The following KAZN variants were observed in gnomAD, a reference collection of about 807,000 sequenced individuals.
KAZN encodes kazrin.
Under a neutral mutation model 87.4 loss-of-function variants are expected in KAZN, and 40 were observed. The observed-to-expected ratio is 0.46, with a 90% CI of 0.36 to 0.60. KAZN has a LOEUF of 0.60. KAZN is among the 20% of genes least tolerant of loss of function. The probability of loss-of-function intolerance (pLI) is 0.00; values close to 1 mark genes in which losing one functional copy is unlikely to be tolerated. For missense variants in KAZN, 898 were observed against 1,073.9 expected (o/e 0.84, Z 2.29); for synonymous variants, 466 against 458.3 (o/e 1.02, Z -0.22).
intron 2 of KAZN, chr1:14,223,126 GTTGCA>G (rs1647145178): frequency 2.0e-5 from 3 of 152,312 alleles, no homozygotes; most frequent in Middle Eastern, 3.4e-3. Context: ...AGCCAGTGTG[GTTGCA>G]GCTGTTGGAT....
At chr1:14,636,688 C>T (rs977995040) in intron 1 of KAZN, among the ~76,000 whole-genome samples, 16 of 152,170 alleles carry the variant, frequency 1.1e-4, no homozygotes, top group African/African-American at 1.9e-4. Flanking sequence ...AAGTGAGAGA[C>T]GCTCGCTCCA....
chr1:14,637,209 G>T (rs1680058018), intron 1 of KAZN, among the ~76,000 whole-genome samples: 1 of 152,130 alleles, frequency 6.6e-6, no homozygotes, highest in African/African-American at 2.4e-5. Flanking sequence ...AGTGTAAGGG[G>T]TGATGTAAAT....
At chr1:15,060,451 T>C (rs766036243) in intron 6 of KAZN, 149 bp downstream of exon 6, 1 of 1,091,528 alleles carries the variant, frequency 9.2e-7, no homozygotes. Context: ...GTTCTTTCCT[T>C]TTGCAAGAAG....
chr1:14,544,350 C>CTTTTTTTTTTTTTTTTTTTTTTTTGTTT (rs374148415), intron 2 of KAZN, among the ~76,000 whole-genome samples: 1 of 98,120 alleles, frequency 1.0e-5, no homozygotes. Context: ...TTCTTTCTTT[C>CTTTTTTTTTTTTTTTTTTTTTTTTGTTT]TTTTTTTTTT....
intron 1 of KAZN, among the ~76,000 whole-genome samples, chr1:13,961,596 TG>T (rs1425237323): frequency 2.0e-5 from 3 of 152,178 alleles, no homozygotes; most frequent in Non-Finnish European, 1.5e-5. Context: ...ATACATACAG[TG>T]GTACAAGTAG....
intron 2 of KAZN, among the ~76,000 whole-genome samples, chr1:14,318,342 T>A (rs946283949): frequency 1.3e-5 from 2 of 152,108 alleles, no homozygotes; most frequent in Admixed American, 6.5e-5. Context: ...CTATGTTAAC[T>A]GTTTTTCTTT....
intron 2 of KAZN, among the ~76,000 whole-genome samples, chr1:14,331,368 G>A (rs1656846697): frequency 6.6e-6 from 1 of 152,064 alleles, no homozygotes; most frequent in African/African-American, 2.4e-5. Context: ...TTAGAGCAGT[G>A]GGCTCTATCC....
intron 1 of KAZN, among the ~76,000 whole-genome samples, chr1:14,607,015 C>T (rs968449646): frequency 2.0e-5 from 3 of 152,162 alleles, no homozygotes; most frequent in African/African-American, 7.2e-5. Flanking sequence ...CTATATTTTA[C>T]TGTATCCTCA....
In KAZN at chr1:15,066,359, G is replaced by T. The variant is rs975493709; in HGVS notation, c.1222+606G>T. 2.0e-6 allele frequency: 2 copies of T among 983,836 alleles called. No individual in the cohort carries two copies. The highest frequency in any genetic ancestry group is 3.5e-5 in the African/African-American group (2 of 56,606). The allele number at this position is 983,836 out of a possible 1,614,324, so 60.9% of individuals were successfully genotyped here. A position where few individuals can be genotyped will look rare whatever the true frequency, so the allele number is the denominator to read the frequency against. ...CCTCCCGCCCCCCTGGTGTGAACGT[G>T]TGGGACCAGACCCTGTCCTGGGGGT... is the stretch of plus-strand genomic sequence containing the variant. On this transcript the variant is annotated intron_variant, in intron 8 of 14. Coordinates refer to ENST00000376030, the MANE Select transcript of KAZN (RefSeq NM_201628.3). The surrounding 1 kb of genome is among the most constrained non-coding windows in gnomAD (Gnocchi z 4.3).
intron 2 of KAZN, among the ~76,000 whole-genome samples, chr1:14,451,162 C>T (rs999792493): frequency 6.6e-6 from 1 of 152,134 alleles, no homozygotes; most frequent in Non-Finnish European, 1.5e-5. Context: ...CCTCTTTTCT[C>T]TATAAATTAC....
chr1:14,421,210 A>G (rs1333758939), intron 2 of KAZN, among the ~76,000 whole-genome samples: 1 of 152,244 alleles, frequency 6.6e-6, no homozygotes, highest in Non-Finnish European at 1.5e-5. Flanking sequence ...CTCATTATTC[A>G]GGGAAGAGCT....
At chr1:14,921,402 TTCC>T (rs1658511029) in intron 1 of KAZN, among the ~76,000 whole-genome samples, 1 of 152,244 alleles carries the variant, frequency 6.6e-6, no homozygotes, top group Non-Finnish European at 1.5e-5. Flanking sequence ...TACTTTCTTC[TTCC>T]TCCGTCTCCT....
At chr1:14,806,164 A>C (rs1390179371) in intron 1 of KAZN, among the ~76,000 whole-genome samples, 1 of 152,180 alleles carries the variant, frequency 6.6e-6, no homozygotes, top group East Asian at 1.9e-4. Flanking sequence ...CCTTTAGGGA[A>C]AAGCCTGAAG....
At chr1:14,425,892 G>A (rs141049754) in intron 2 of KAZN, among the ~76,000 whole-genome samples, 7 of 152,310 alleles carry the variant, frequency 4.6e-5, no homozygotes, top group Non-Finnish European at 1.0e-4. Context: ...GAGAGCCCAG[G>A]TGCACTCAAC....
intron 2 of KAZN, among the ~76,000 whole-genome samples, chr1:14,276,184 TGTGTGTGTGTG>T (rs1361053850): frequency 1.3e-5 from 2 of 151,696 alleles, no homozygotes; most frequent in Non-Finnish European, 2.9e-5. Flanking sequence ...TGTGTGTGTG[TGTGTGTGTGTG>T]TGTGTGTATC....
rs76041975 is a variant in KAZN, at chr1:14,346,445, G to A, written c.249+165853G>A. Among the ~76,000 whole-genome samples, 1,034 of 152,248 alleles carry A rather than the reference G, an allele frequency of 6.8e-3. 12 individuals carry two copies. Among genetic ancestry groups the A allele is most frequent in the African/African-American group, 0.024 (985 of 41,516 alleles). Reference sequence around the variant, plus strand: ...TGTTCTTTCTCAGCCCTCCTGGGGTGAGGATGTGACTGTCCCCTGGGAAAG... The same window carrying A: ...TGTTCTTTCTCAGCCCTCCTGGGGTAAGGATGTGACTGTCCCCTGGGAAAG... On this transcript the variant is annotated intron_variant, in intron 2 of 16. Transcript: ENST00000636203.
intron 1 of KAZN, among the ~76,000 whole-genome samples, chr1:13,973,516 C>T (rs866574471): frequency 4.7e-4 from 72 of 152,182 alleles, no homozygotes; most frequent in Admixed American, 1.2e-3. Context: ...AGGCAGTCCC[C>T]TTCATACAAA....
At chr1:14,151,721 A>G (rs61777764) in intron 1 of KAZN, among the ~76,000 whole-genome samples, 3,893 of 152,358 alleles carry the variant, frequency 0.026, 91 homozygotes, top group South Asian at 0.044. Flanking sequence ...TGATAAATAG[A>G]CAAGGTTATT....
In KAZN at chr1:14,659,394, CTG is replaced by C. The variant is rs1445381075; in HGVS notation, c.226+60172_226+60173del. On this transcript the variant is annotated intron_variant, in intron 1 of 14. Coordinates refer to ENST00000376030, the MANE Select transcript of KAZN (RefSeq NM_201628.3). ...TAACCTTAATGAAATCTAGGACACT[CTG>C]GGGTTTTATGGGGGAGTCACATGGG... Among the ~76,000 whole-genome samples, 3 of 151,866 alleles carry C rather than the reference CTG, an allele frequency of 2.0e-5. No individual in the cohort carries two copies. In the East Asian group the frequency reaches 5.8e-4, roughly 29 times the overall value.
Sources: gnomAD v4.1 joint callset for allele counts (sites outside exome capture counted in the v4.1 genomes callset) on GRCh38, gnomAD v4.1.1 for gene constraint, Gnocchi (gnomAD v3.1) non-coding constraint, MANE v1.5 for transcripts, NCBI Gene and HGNC (gene_info 2026-07-23, HGNC 2026-07-21) for gene names.